The following POLR3GL variants were observed in gnomAD, a reference collection of about 807,000 sequenced individuals.
POLR3GL encodes the protein DNA-directed RNA polymerase III subunit RPC7-like.
A neutral mutation model predicts 32.4 loss-of-function variants in POLR3GL; 26 were observed. The observed-to-expected ratio is 0.80, with a 90% CI of 0.59 to 1.11. The LOEUF is 1.11. POLR3GL is among the 50% of genes most tolerant of loss of function. The probability of loss-of-function intolerance (pLI) is 0.00; values close to 1 mark genes in which losing one functional copy is unlikely to be tolerated. For missense variants in POLR3GL, 229 were observed against 280.1 expected, an observed-to-expected ratio of 0.82 and a Z score of 1.30; for synonymous variants, 95 against 98.7, an observed-to-expected ratio of 0.96 and a Z score of 0.22.
intron 1 of POLR3GL, among the ~76,000 whole-genome samples, chr1:145,971,185 CAAAAAA>C (rs36126138): frequency 2.2e-5 from 2 of 90,678 alleles, no homozygotes; most frequent in Non-Finnish European, 4.0e-5. Flanking sequence ...AACTCCATCT[CAAAAAA>C]AAAAAAAAAA....
rs1416389701 is a variant in POLR3GL at position 145,978,005 on chromosome 1, A to T, written c.479A>T (p.Glu160Val). 34 of 1,612,466 alleles carry T rather than the reference A, an allele frequency of 2.1e-5. No individual in the cohort carries two copies. Among genetic ancestry groups the T allele is most frequent in the Non-Finnish European group, 2.8e-5 (33 of 1,178,536 alleles). The change falls in exon 7 of 8, where the codon GAA becomes GTA. Residue 160 changes from glutamate (E) to valine (V), a missense_variant. Physicochemically the swap from Glu to Val is moderately radical, Grantham distance 121. Transcript: ENST00000369314. ...GAGACCCTGGAGAAGAAGGAAGAAG[A>T]AGTAACTTCAGAGGAGGATGAGGAG... ...KLETLEKKEE[E>V]VTSEEDEEKE...
intron 1 of POLR3GL, among the ~76,000 whole-genome samples, chr1:145,967,154 A>G (rs1650073403): frequency 6.6e-6 from 1 of 150,448 alleles, no homozygotes; most frequent in Non-Finnish European, 1.5e-5. Flanking sequence ...ATAGGTGAAG[A>G]GTGGTTTTAT....
At position 145,977,126 on chromosome 1, in the gene POLR3GL, T is replaced by C. The variant is rs1559257210; in HGVS notation, c.299T>C (p.Ile100Thr). The C allele has an allele frequency of 6.2e-7, 1 of 1,613,962 alleles. No individual in the cohort carries two copies. Among genetic ancestry groups the C allele is most frequent in the Admixed American group, 1.7e-5 (1 of 59,998 alleles). ...YSDKYQMSGP[I>T]DNAIDWNPDW... ...GACAAATATCAGATGTCAGGTCCGA[T>C]TGACAATGCCATCGATTGGAACCCT... The change falls in exon 4 of 8, where the codon ATT becomes ACT. Residue 100 changes from isoleucine to threonine, a missense_variant. By Grantham distance (89) the Ile-to-Thr change is moderately conservative. Coordinates refer to ENST00000369314, the MANE Select transcript of POLR3GL (RefSeq NM_032305.3).
chr1:145,965,996 A>G (rs1268945774), intron 1 of POLR3GL, among the ~76,000 whole-genome samples: 2 of 151,878 alleles, frequency 1.3e-5, no homozygotes, highest in African/African-American at 4.8e-5. Flanking sequence ...CATGCCTGTA[A>G]TCCCAGCTAC....
At chr1:145,976,108 C>A (rs1650541863) in intron 3 of POLR3GL, among the ~76,000 whole-genome samples, 2 of 151,980 alleles carry the variant, frequency 1.3e-5, no homozygotes, top group Admixed American at 6.6e-5. Flanking sequence ...AACCCTGTCT[C>A]TACTAAAAAT....
chr1:145,970,604 T>G (rs932262784), intron 1 of POLR3GL, among the ~76,000 whole-genome samples: 2 of 151,958 alleles, frequency 1.3e-5, no homozygotes, highest in Non-Finnish European at 2.9e-5. Flanking sequence ...CCGGCCGCGG[T>G]GACTCACGCC....
chr1:145,977,605 G>A, intron 5 of POLR3GL, 66 bp downstream of exon 5: 2 of 1,482,050 alleles, frequency 1.3e-6, no homozygotes, highest in Non-Finnish European at 1.9e-6. Context: ...GGCCGAGGCT[G>A]CTGCTGGTCT....
intron 1 of POLR3GL, 30 bp from the exon 2 acceptor site, chr1:145,974,795 T>C: frequency 7.2e-7 from 1 of 1,386,308 alleles, no homozygotes. Context: ...CTACTACATT[T>C]CTTTTTCTCT....
chr1:145,971,011 C>G (rs1368414932), intron 1 of POLR3GL, among the ~76,000 whole-genome samples: 1 of 150,088 alleles, frequency 6.7e-6, no homozygotes, highest in Admixed American at 6.7e-5. Context: ...TGGAGAAACC[C>G]CCTCTGTACT....
chr1:145,977,442 A>G (rs782536121), intron 4 of POLR3GL, 41 bp from the exon 5 acceptor site: 1 of 1,590,036 alleles, frequency 6.3e-7, no homozygotes, highest in South Asian at 1.1e-5. Context: ...TGGAGACCCC[A>G]GGCAGGGTCC....
chr1:145,969,892 A>G (rs1486676233), intron 1 of POLR3GL, among the ~76,000 whole-genome samples: 1 of 149,080 alleles, frequency 6.7e-6, no homozygotes, highest in Admixed American at 6.6e-5. Flanking sequence ...GCACCACTCC[A>G]GCCTGGGTGA....
chr1:145,969,526 T>C (rs1650185597), intron 1 of POLR3GL, among the ~76,000 whole-genome samples: 1 of 151,362 alleles, frequency 6.6e-6, no homozygotes, highest in Non-Finnish European at 1.5e-5. Flanking sequence ...CCTCCCAAAG[T>C]GTTGGGATTA....
At position 145,975,402 on chromosome 1, in the gene POLR3GL, C is replaced by A; in HGVS notation, c.222C>A (p.Leu74=). ...KQELRGAMRQ[L]PYFIRPAVPK... ...AGCTACGAGGAGCCATGAGGCAGCTCCCCTACTTCATCCGGCCAGCTGTCC... is the reference window on the plus strand; with the variant it reads ...AGCTACGAGGAGCCATGAGGCAGCTACCCTACTTCATCCGGCCAGCTGTCC... The change falls in exon 3 of 8, where the codon CTC becomes CTA. Residue 74 remains leucine (L), a synonymous_variant. Transcript: ENST00000369314. The A allele has an allele frequency of 6.2e-7, 1 of 1,614,128 alleles. No individual in the cohort carries two copies. Among genetic ancestry groups the A allele is most frequent in the Admixed American group, 1.7e-5 (1 of 60,024 alleles).
At chr1:145,968,043 C>T (rs1319314684) in intron 1 of POLR3GL, among the ~76,000 whole-genome samples, 1 of 152,108 alleles carries the variant, frequency 6.6e-6, no homozygotes, top group Non-Finnish European at 1.5e-5. Context: ...TAGTGTTTTT[C>T]TGTATGTTTA....
At chr1:145,972,522 C>T (rs1251034164) in intron 1 of POLR3GL, among the ~76,000 whole-genome samples, 6 of 152,008 alleles carry the variant, frequency 3.9e-5, no homozygotes, top group African/African-American at 1.5e-4. Flanking sequence ...ATTTATATCA[C>T]TATGGACTCA....
intron 1 of POLR3GL, among the ~76,000 whole-genome samples, chr1:145,971,041 C>T (rs1178153750): frequency 6.7e-6 from 1 of 149,976 alleles, no homozygotes; most frequent in Non-Finnish European, 1.5e-5. Context: ...ATAAAATTAG[C>T]CAGGCGTGGT....
chr1:145,977,012 G>C, intron 3 of POLR3GL, 72 bp from the exon 4 acceptor site: 1 of 1,269,030 alleles, frequency 7.9e-7, no homozygotes. Flanking sequence ...AGTATTGAGA[G>C]GGCTGGACTC....
chr1:145,967,991 A>T (rs982386265), intron 1 of POLR3GL, among the ~76,000 whole-genome samples: 4 of 152,230 alleles, frequency 2.6e-5, no homozygotes, highest in African/African-American at 9.7e-5. Context: ...CCATATTCTT[A>T]ACCTCTACAT....
At chr1:145,970,002 T>G (rs190946661) in intron 1 of POLR3GL, among the ~76,000 whole-genome samples, 303 of 152,250 alleles carry the variant, frequency 2.0e-3, no homozygotes, top group African/African-American at 6.9e-3. Flanking sequence ...TAACCGTTGT[T>G]AATTTTTGGT....
Sources: gnomAD v4.1 joint callset for allele counts (sites outside exome capture counted in the v4.1 genomes callset) on GRCh38, gnomAD v4.1.1 for gene constraint, MANE v1.5 for transcripts, NCBI Gene and HGNC (gene_info 2026-07-23, HGNC 2026-07-21) for gene names.